The following CCSER1 variants were observed in gnomAD, a reference collection of about 807,000 sequenced individuals.
The protein encoded by CCSER1 is coiled-coil serine rich protein 1.
A neutral mutation model predicts 82.0 loss-of-function variants in CCSER1; 41 were observed. The ratio of observed to expected loss-of-function variants is 0.50; its 90% CI spans 0.39 to 0.65. CCSER1 has a LOEUF of 0.65. CCSER1 is among the 30% of genes least tolerant of loss of function. The pLI, the probability that CCSER1 is intolerant of heterozygous loss-of-function variation, is 0.00. For missense variants in CCSER1, 1,119 were observed against 1,064.2 expected (o/e 1.05, Z -0.72); for synonymous variants, 414 against 383.9 (o/e 1.08, Z -0.92).
chr4:90,574,251 A>ATTTTTTTTTTTTTTTT lies in CCSER1; in HGVS notation c.1725-53761_1725-53746dup, dbSNP rs777629017. Among the ~76,000 whole-genome samples the ATTTTTTTTTTTTTTTT allele has an allele frequency of 1.9e-4, 16 of 86,074 alleles. 1 individual carries two copies. The highest frequency in any genetic ancestry group is 9.1e-4 in the African/African-American group (15 of 16,458). 56.5% of individuals were successfully genotyped at this position (86,074 alleles called of 152,430 possible). ...CCATATAGCTTGTAGAAACACATTA[A>ATTTTTTTTTTTTTTTT]TTTTTTTTTTTTTTTTTTTTTTTTT... On this transcript the variant is annotated intron_variant, in intron 5 of 10. Transcript: ENST00000509176.
Position 90,583,989 on chromosome 4 carries a change from A to G in CCSER1, c.1725-44036A>G, listed in dbSNP as rs138257556. 3.8e-3 allele frequency among the ~76,000 whole-genome samples: 580 copies of G among 152,286 alleles called. 4 individuals are homozygous for G. Among genetic ancestry groups the G allele is most frequent in the African/African-American group, 0.013 (552 of 41,566 alleles). On this transcript the variant is annotated intron_variant, in intron 5 of 10. Coordinates refer to ENST00000509176, the MANE Select transcript of CCSER1 (RefSeq NM_001145065.2). ...TTTAAAAGAAAAAAGTTGTATCAAG[A>G]TTATAATTGTGCATATTAATTCAAA...
At chr4:91,434,359 G>T (rs1470206140) in intron 10 of CCSER1, among the ~76,000 whole-genome samples, 1 of 151,956 alleles carries the variant, frequency 6.6e-6, no homozygotes, top group East Asian at 1.9e-4. Context: ...TTGATGGGAA[G>T]GATCCAGGTC....
Position 90,631,781 on chromosome 4 carries a change from G to A in CCSER1, c.1932+3549G>A, listed in dbSNP as rs115975071. 5.7e-3 allele frequency among the ~76,000 whole-genome samples: 873 copies of A among 152,218 alleles called. 8 individuals are homozygous for A. The highest frequency in any genetic ancestry group is 0.01 in the Admixed American group (156 of 15,300). The stretch of plus-strand genomic sequence containing the variant: ...AATTTAAAGCTTTTTGAGCACTGAC[G>A]TGACACCACAAGTGGAAAATTCCAC... On this transcript the variant is annotated intron_variant, in intron 6 of 10. Transcript: ENST00000509176.
At chr4:91,039,396 A>G (rs1350605037) in intron 9 of CCSER1, among the ~76,000 whole-genome samples, 1 of 152,146 alleles carries the variant, frequency 6.6e-6, no homozygotes, top group Non-Finnish European at 1.5e-5. Context: ...AAAAAGTTAT[A>G]GTAGTATACA....
chr4:90,318,197 T>C (rs992720663), intron 3 of CCSER1, among the ~76,000 whole-genome samples: 37 of 152,218 alleles, frequency 2.4e-4, no homozygotes, highest in African/African-American at 8.9e-4. Context: ...GGTTTTATTC[T>C]TTAGAATATT....
At chr4:90,484,825 G>A (rs998493463) in intron 5 of CCSER1, among the ~76,000 whole-genome samples, 1 of 152,190 alleles carries the variant, frequency 6.6e-6, no homozygotes, top group Non-Finnish European at 1.5e-5. Flanking sequence ...CGGGGGTTAG[G>A]GACCCTCTTG....
At chr4:90,771,416 T>C (rs1334868905) in intron 7 of CCSER1, among the ~76,000 whole-genome samples, 1 of 151,778 alleles carries the variant, frequency 6.6e-6, no homozygotes, top group East Asian at 1.9e-4. Context: ...TTGACCCATT[T>C]ATATCACCTT....
At chr4:90,844,600 A>G (rs1222253676) in intron 8 of CCSER1, among the ~76,000 whole-genome samples, 2 of 152,012 alleles carry the variant, frequency 1.3e-5, no homozygotes, top group Non-Finnish European at 2.9e-5. Context: ...ATTTGCTCAA[A>G]TGTTACCTTC....
At position 91,162,721 on chromosome 4, in the gene CCSER1, G is replaced by A. The variant is rs1188446880; in HGVS notation, c.2217+76727G>A. 2.0e-5 allele frequency among the ~76,000 whole-genome samples: 3 copies of A among 152,268 alleles called. No homozygotes were observed. In the South Asian group the frequency reaches 6.2e-4, roughly 32 times the overall value. On this transcript the variant is annotated intron_variant, in intron 10 of 10. Coordinates refer to ENST00000509176, the MANE Select transcript of CCSER1 (RefSeq NM_001145065.2). ...AGGTTTTGTAGTTTATTTGCATAGA[G>A]GTGTTTATAGTATCCTCTGATGGTA...
At chr4:91,587,077 A>G (rs1340417935) in intron 10 of CCSER1, among the ~76,000 whole-genome samples, 1 of 151,650 alleles carries the variant, frequency 6.6e-6, no homozygotes, top group African/African-American at 2.4e-5. Flanking sequence ...CTCCTCAGAT[A>G]CCTCTTCTCT....
intron 6 of CCSER1, among the ~76,000 whole-genome samples, chr4:90,636,966 C>T (rs949162570): frequency 6.6e-6 from 1 of 152,082 alleles, no homozygotes; most frequent in African/African-American, 2.4e-5. Context: ...ACAGAATTAG[C>T]AGTAAATTTA....
intron 7 of CCSER1, among the ~76,000 whole-genome samples, chr4:90,810,476 C>T (rs867675152): frequency 1.5e-4 from 23 of 151,818 alleles, no homozygotes; most frequent in Non-Finnish European, 3.4e-4. Context: ...GGTGAAACCC[C>T]GTCTCTACTA....
chr4:91,207,169 CTATT>C (rs1736416033), intron 10 of CCSER1, among the ~76,000 whole-genome samples: 2 of 151,694 alleles, frequency 1.3e-5, no homozygotes, highest in Admixed American at 6.6e-5. Context: ...ACAGCATTGA[CTATT>C]AATTATGAGA....
intron 5 of CCSER1, among the ~76,000 whole-genome samples, chr4:90,576,049 T>C (rs1484901869): frequency 6.6e-6 from 1 of 152,172 alleles, no homozygotes; most frequent in African/African-American, 2.4e-5. Context: ...GTTCCCTCTC[T>C]GTTTTCCCTT....
At chr4:91,498,618 A>G (rs1759054565) in intron 10 of CCSER1, among the ~76,000 whole-genome samples, 1 of 151,762 alleles carries the variant, frequency 6.6e-6, no homozygotes, top group African/African-American at 2.4e-5. Flanking sequence ...TTATCTAAAT[A>G]AACTTTATAA....
intron 1 of CCSER1, among the ~76,000 whole-genome samples, chr4:90,255,473 T>C (rs1035926450): frequency 1.3e-5 from 2 of 152,178 alleles, no homozygotes; most frequent in African/African-American, 2.4e-5. Context: ...GAAATACAGA[T>C]TGTTATAAAT....
chr4:91,448,704 A>G (rs1755707788), intron 10 of CCSER1, among the ~76,000 whole-genome samples: 1 of 152,090 alleles, frequency 6.6e-6, no homozygotes, highest in South Asian at 2.1e-4. Flanking sequence ...AACATTTATG[A>G]TATGCCATAT....
At position 90,547,284 on chromosome 4, in the gene CCSER1, A is replaced by AT. The variant is rs1341524380; in HGVS notation, c.1724+78937dup. The stretch of plus-strand genomic sequence containing the variant: ...AAGAATAGTTGTGTATTTTATAAAG[A>AT]TTTTTTTAATCTTTATACTCTTGAT... On this transcript the variant is annotated intron_variant, in intron 5 of 10. Transcript: ENST00000509176. Among the ~76,000 whole-genome samples the AT allele has an allele frequency of 3.9e-5, 6 of 152,090 alleles. No individual in the cohort carries two copies. In the South Asian group the frequency reaches 1.2e-3, roughly 32 times the overall value.
At chr4:90,641,095 TC>T (rs1726428290) in intron 6 of CCSER1, among the ~76,000 whole-genome samples, 1 of 152,150 alleles carries the variant, frequency 6.6e-6, no homozygotes, top group Non-Finnish European at 1.5e-5. Flanking sequence ...TTTTAAGTTT[TC>T]CCTGGTGTTT....
Sources: gnomAD v4.1 joint callset for allele counts (sites outside exome capture counted in the v4.1 genomes callset) on GRCh38, gnomAD v4.1.1 for gene constraint, MANE v1.5 for transcripts, NCBI Gene and HGNC (gene_info 2026-07-23, HGNC 2026-07-21) for gene names.